Variants in UGT1A7 observed in about 807,000 individuals in gnomAD.
UGT1A7 encodes UDP-glucuronosyltransferase 1A7.
In UGT1A7, 33 loss-of-function variants were observed where a neutral mutation model predicts 45.6. That is an observed-to-expected ratio of 0.72 (90% CI 0.55 to 0.97). The LOEUF (loss-of-function observed/expected upper bound fraction) is 0.97. Ranked by LOEUF, UGT1A7 falls within the 50% of genes least tolerant of loss-of-function variation. UGT1A7 has a pLI of 0.00. For synonymous variants in UGT1A7, 274 were observed against 250.6 expected (o/e 1.09, Z -0.88); for missense variants, 684 against 666.2 (o/e 1.03, Z -0.29).
intron 1 of UGT1A7, chr2:233,713,735 T>C: frequency 6.2e-7 from 1 of 1,613,944 alleles, no homozygotes; most frequent in African/African-American, 1.3e-5. Context: ...TGGTGGATCT[T>C]GTCAGCCATG....
chr2:233,766,390 C>T (rs11679312), intron 1 of UGT1A7, among the ~76,000 whole-genome samples: 2,966 of 152,260 alleles, frequency 0.019, 34 homozygotes, highest in Non-Finnish European at 0.031. Context: ...GTCCAGCTGT[C>T]CTTGCGTCCC....
At chr2:233,685,552 CA>C (rs1192144986) in intron 1 of UGT1A7, among the ~76,000 whole-genome samples, 2 of 152,170 alleles carry the variant, frequency 1.3e-5, no homozygotes, top group African/African-American at 2.4e-5. Flanking sequence ...GTTTTTGATC[CA>C]AATTCAAATT....
At chr2:233,749,145 C>G (rs1694125909) in intron 1 of UGT1A7, among the ~76,000 whole-genome samples, 1 of 151,818 alleles carries the variant, frequency 6.6e-6, no homozygotes, top group Non-Finnish European at 1.5e-5. Context: ...TATGAACTTC[C>G]ATGACTTGAT....
At chr2:233,734,961 G>T (rs2078591485) in intron 1 of UGT1A7, among the ~76,000 whole-genome samples, 1 of 152,202 alleles carries the variant, frequency 6.6e-6, no homozygotes, top group South Asian at 2.1e-4. Flanking sequence ...GAATAAGTGT[G>T]ATGTGGTGCT....
At chr2:233,772,116 AAAC>A (rs1252124628) in intron 4 of UGT1A7, 143 bp from the exon 5 acceptor site, 49 of 1,530,818 alleles carry the variant, frequency 3.2e-5, no homozygotes, top group Middle Eastern at 2.3e-4. Context: ...CTGTATCTAA[AAAC>A]AACAACAACA....
chr2:233,694,156 TCAAA>T (rs2075202894), intron 1 of UGT1A7, among the ~76,000 whole-genome samples: 1 of 152,126 alleles, frequency 6.6e-6, no homozygotes, highest in Non-Finnish European at 1.5e-5. Context: ...ATGTCCCAGT[TCAAA>T]CAGAGGTGAA....
chr2:233,713,196 A>C (rs775448281), intron 1 of UGT1A7: 1 of 1,614,238 alleles, frequency 6.2e-7, no homozygotes, highest in Non-Finnish European at 8.5e-7. Flanking sequence ...GAATATGTAC[A>C]TCAAAGAAGA....
At chr2:233,748,959 T>A (rs1217481897) in intron 1 of UGT1A7, among the ~76,000 whole-genome samples, 1 of 151,598 alleles carries the variant, frequency 6.6e-6, no homozygotes, top group African/African-American at 2.4e-5. Flanking sequence ...CACTCCAAGT[T>A]TCTATAGTGG....
rs143907483 is a variant in UGT1A7 at position 233,715,103 on chromosome 2, C to G, written c.855+32311C>G. 2.9e-3 allele frequency among the ~76,000 whole-genome samples: 442 copies of G among 152,202 alleles called. 2 individuals carry two copies. The highest frequency in any genetic ancestry group is 5.0e-3 in the Non-Finnish European group (340 of 68,020). On this transcript the variant is annotated intron_variant, in intron 1 of 4. Coordinates refer to ENST00000373426, the MANE Select transcript of UGT1A7 (RefSeq NM_019077.3). The stretch of plus-strand genomic sequence containing the variant: ...GTTTCATCATATTGGCCAGGCTGAT[C>G]TCAAATGCCTGATCTCAAGTGATTC...
chr2:233,747,613 A>T, intron 1 of UGT1A7: 1 of 1,574,722 alleles, frequency 6.4e-7, no homozygotes, highest in Non-Finnish European at 8.7e-7. Context: ...CTACTGCATA[A>T]TGAGGCCCTG....
chr2:233,773,007 TA>T lies in UGT1A7; in HGVS notation c.*449del, dbSNP rs61757317. On this transcript the variant is annotated 3_prime_UTR_variant, in exon 5 of 5. Coordinates refer to ENST00000373426, the MANE Select transcript of UGT1A7 (RefSeq NM_019077.3). ...CAGTCCTCATCTCTGTCGTGCTTCA[TA>T]GGTGCCACCTTGTGTGTTTAAAGAA... is the stretch of plus-strand genomic sequence containing the variant. 26 of 218,224 alleles carry T rather than the reference TA, an allele frequency of 1.2e-4. No homozygotes were observed. Among genetic ancestry groups the T allele is most frequent in the Non-Finnish European group, 2.2e-4 (24 of 108,252 alleles). The allele number at this position is 218,224 out of a possible 1,614,324, so 13.5% of individuals were successfully genotyped here.
chr2:233,745,271 G>A (rs1376057021), intron 1 of UGT1A7, among the ~76,000 whole-genome samples: 1 of 151,866 alleles, frequency 6.6e-6, no homozygotes, highest in Non-Finnish European at 1.5e-5. Flanking sequence ...TGCAGGCCGT[G>A]TGTATAGCAC....
chr2:233,694,220 G>A (rs2075206036), intron 1 of UGT1A7, among the ~76,000 whole-genome samples: 1 of 152,028 alleles, frequency 6.6e-6, no homozygotes, highest in African/African-American at 2.4e-5. Context: ...TCCCAACTCT[G>A]TCCCATGCTT....
rs2076922721 is a variant in UGT1A7, at chr2:233,721,129, T to G, written c.855+38337T>G. 2.0e-5 allele frequency among the ~76,000 whole-genome samples: 3 copies of G among 152,198 alleles called. 1 individual carries two copies. Among genetic ancestry groups the G allele is most frequent in the Admixed American group, 2.0e-4 (3 of 15,284 alleles). On this transcript the variant is annotated intron_variant, in intron 1 of 4. Transcript: ENST00000373426. ...TTATTTCTGTACTTCTTTTTATTAGTGTAGGTATTATTGCAAAGGACACTA... is the reference window on the plus strand; with the variant it reads ...TTATTTCTGTACTTCTTTTTATTAGGGTAGGTATTATTGCAAAGGACACTA...
intron 1 of UGT1A7, among the ~76,000 whole-genome samples, chr2:233,735,014 T>C (rs902605197): frequency 1.3e-5 from 2 of 152,232 alleles, no homozygotes; most frequent in Non-Finnish European, 2.9e-5. Context: ...GAGAGTTCTG[T>C]AGATGTCTAT....
At chr2:233,714,756 T>TA (rs1222737910) in intron 1 of UGT1A7, among the ~76,000 whole-genome samples, 1 of 152,230 alleles carries the variant, frequency 6.6e-6, no homozygotes, top group Non-Finnish European at 1.5e-5. Flanking sequence ...ATTTGACACT[T>TA]ACAGTATATC....
chr2:233,692,868 A>C, intron 1 of UGT1A7: 1 of 1,483,334 alleles, frequency 6.7e-7, no homozygotes, highest in Non-Finnish European at 8.9e-7. Flanking sequence ...TACATATCAA[A>C]GGGTAAAATT....
chr2:233,685,447 A>G (rs1181994431), intron 1 of UGT1A7, among the ~76,000 whole-genome samples: 1 of 152,220 alleles, frequency 6.6e-6, no homozygotes, highest in African/African-American at 2.4e-5. Flanking sequence ...AGCTGAATCT[A>G]CACCATCTAG....
intron 4 of UGT1A7, 143 bp downstream of exon 4, chr2:233,768,582 C>CTTTTTTTTTTTTTTTTTTTTTTTTTTT (rs139595073): frequency 1.2e-6 from 1 of 867,188 alleles, no homozygotes; most frequent in Non-Finnish European, 1.4e-6. Flanking sequence ...TTTATTTCTT[C>CTTTTTTTTTTTTTTTTTTTTTTTTTTT]TTTTTTTTTT....
Sources: allele counts gnomAD v4.1 joint callset (sites outside exome capture counted in the v4.1 genomes callset), GRCh38; gene constraint gnomAD v4.1.1; transcripts MANE v1.5; gene names NCBI Gene and HGNC (gene_info 2026-07-23, HGNC 2026-07-21).